SUMF1: variants seen among roughly 807,000 people sequenced by gnomAD.
The protein encoded by SUMF1 is formylglycine-generating enzyme.
A neutral mutation model predicts 47.6 loss-of-function variants in SUMF1; 48 were observed. The observed-to-expected ratio is 1.01, with a 90% CI of 0.80 to 1.28. The LOEUF (loss-of-function observed/expected upper bound fraction) is 1.28, where lower values mean the gene tolerates loss of function less well. Among genes scored for constraint, SUMF1 ranks in the 50% most tolerant of loss-of-function variants. The pLI, the probability that SUMF1 is intolerant of heterozygous loss-of-function variation, is 0.00. For missense variants in SUMF1, 571 were observed against 485.4 expected, an observed-to-expected ratio of 1.18 and a Z score of -1.66; for synonymous variants, 230 against 192.1, an observed-to-expected ratio of 1.20 and a Z score of -1.63.
In SUMF1 at chr3:4,378,352, C is replaced by A. The variant is rs550289145; in HGVS notation, c.955-1963G>T. On this transcript the variant is annotated intron_variant, in intron 7 of 8. Coordinates refer to ENST00000272902, the MANE Select transcript of SUMF1 (RefSeq NM_182760.4). ...CTTAAACCACAGTTTCTACCAAAGG[C>A]ATATCACTTTTGCACAATTGTAAAC... 8.1e-4 allele frequency among the ~76,000 whole-genome samples: 123 copies of A among 152,278 alleles called. No homozygotes were observed. In the Middle Eastern group the frequency reaches 0.014, roughly 17 times the overall value.
chr3:4,421,113 C>T (rs1371225788), intron 3 of SUMF1, among the ~76,000 whole-genome samples: 1 of 152,166 alleles, frequency 6.6e-6, no homozygotes, highest in East Asian at 1.9e-4. Context: ...AAAATAACAA[C>T]AGTCAGGAGT....
intron 9 of SUMF1, among the ~76,000 whole-genome samples, chr3:4,034,847 C>A (rs536987784): frequency 1.3e-5 from 2 of 151,936 alleles, no homozygotes. Context: ...AGCCAGGGCT[C>A]TCCCTCCAGG....
chr3:4,353,674 ATAT>A (rs1485662395), intron 8 of SUMF1, among the ~76,000 whole-genome samples: 1 of 152,126 alleles, frequency 6.6e-6, no homozygotes, highest in African/African-American at 2.4e-5. Flanking sequence ...CAACATCTTA[ATAT>A]TATTATGAAA....
chr3:4,332,735 T>TA (rs1338718596), intron 8 of SUMF1, among the ~76,000 whole-genome samples: 1 of 152,168 alleles, frequency 6.6e-6, no homozygotes, highest in Non-Finnish European at 1.5e-5. Flanking sequence ...GACAGGGAAA[T>TA]ACTGGGTAGA....
rs115289018 is a variant in SUMF1 at position 4,044,529 on chromosome 3, G to C, written c.1191+24040C>G. ...GAAATTTTATGGCATTTTGGCTACT[G>C]ATCACAGGTACAAATTATCCATGCT... On this transcript the variant is annotated intron_variant and NMD_transcript_variant, in intron 9 of 12. Transcript: ENST00000448413. 3.9e-3 allele frequency among the ~76,000 whole-genome samples: 597 copies of C among 152,312 alleles called. 6 individuals carry two copies. Among genetic ancestry groups the C allele is most frequent in the African/African-American group, 0.013 (543 of 41,568 alleles).
chr3:4,213,525 TAGC>T (rs1695846274), intron 8 of SUMF1, among the ~76,000 whole-genome samples: 1 of 152,116 alleles, frequency 6.6e-6, no homozygotes, highest in Admixed American at 6.5e-5. Context: ...AACAACCAGC[TAGC>T]ATCATAATGG....
rs574995702 is a variant in SUMF1, at chr3:4,433,012, T to C, written c.520-12866A>G. Among the ~76,000 whole-genome samples, 27 of 152,280 alleles carry C rather than the reference T, an allele frequency of 1.8e-4. 2 individuals are homozygous for C. The South Asian group carries it at 5.6e-3, about 32-fold the overall frequency. ...TCCTTTTGTGCCACTTCGTGGGCCA[T>C]TGTTGCCTCATCTATAAGATTTTTT... On this transcript the variant is annotated intron_variant, in intron 3 of 8. Coordinates refer to ENST00000272902, the MANE Select transcript of SUMF1 (RefSeq NM_182760.4).
intron 8 of SUMF1, among the ~76,000 whole-genome samples, chr3:4,101,607 A>G (rs969739475): frequency 6.6e-6 from 1 of 152,112 alleles, no homozygotes; most frequent in African/African-American, 2.4e-5. Context: ...AGTTAATAAT[A>G]ATGTATATTT....
chr3:4,283,661 G>A (rs1344249862), intron 8 of SUMF1, among the ~76,000 whole-genome samples: 1 of 152,170 alleles, frequency 6.6e-6, no homozygotes, highest in Non-Finnish European at 1.5e-5. Context: ...AGAAGTCTAA[G>A]TATTTGCCAC....
intron 8 of SUMF1, among the ~76,000 whole-genome samples, chr3:4,078,194 AG>A (rs894115312): frequency 5.9e-5 from 9 of 152,230 alleles, no homozygotes; most frequent in African/African-American, 2.2e-4. Context: ...CAATCTGAGC[AG>A]GCATACAAGC....
chr3:4,381,618 T>C (rs959490179), intron 7 of SUMF1, among the ~76,000 whole-genome samples: 4 of 152,190 alleles, frequency 2.6e-5, no homozygotes, highest in Admixed American at 2.0e-4. Context: ...ACTAAGAAAA[T>C]AACAGCATCA....
chr3:4,400,804 T>C (rs1260774523), intron 7 of SUMF1, among the ~76,000 whole-genome samples: 4 of 152,212 alleles, frequency 2.6e-5, no homozygotes, highest in Admixed American at 2.0e-4. Flanking sequence ...TGGACCTAGA[T>C]GGAAATCATT....
chr3:4,173,617 T>A (rs925391169), intron 8 of SUMF1, among the ~76,000 whole-genome samples: 1 of 152,110 alleles, frequency 6.6e-6, no homozygotes, highest in African/African-American at 2.4e-5. Flanking sequence ...TAGTAAAGAT[T>A]TGGAACCAAT....
rs546292118 is a variant in SUMF1 at position 4,166,248 on chromosome 3, G to A, written c.1015-97503C>T. ...CTGGGACCTTACCTTTCTCCTATAA[G>A]ATGATATGCCTCAAAATGGAGCAGA... On this transcript the variant is annotated intron_variant and NMD_transcript_variant, in intron 8 of 12. Transcript: ENST00000448413. Among the ~76,000 whole-genome samples, 3 of 152,218 alleles carry A rather than the reference G, an allele frequency of 2.0e-5. No individual in the cohort carries two copies. The East Asian group carries it at 5.8e-4, about 29-fold the overall frequency.
At chr3:4,462,392 A>G (rs1051622887) in intron 1 of SUMF1, among the ~76,000 whole-genome samples, 1 of 152,232 alleles carries the variant, frequency 6.6e-6, no homozygotes, top group African/African-American at 2.4e-5. Flanking sequence ...TATGCAGAAG[A>G]GCCAAGAGAT....
intron 8 of SUMF1, among the ~76,000 whole-genome samples, chr3:4,086,509 T>C (rs543806907): frequency 2.0e-5 from 3 of 152,238 alleles, no homozygotes; most frequent in Admixed American, 6.5e-5. Flanking sequence ...AGGCAAGTCA[T>C]TTAACCTTTC....
In SUMF1 at chr3:4,151,560, C is replaced by T. The variant is rs917645149; in HGVS notation, c.1015-82815G>A. 7.7e-4 allele frequency among the ~76,000 whole-genome samples: 103 copies of T among 134,604 alleles called. 2 individuals carry two copies. Among genetic ancestry groups the T allele is most frequent in the Middle Eastern group, 3.8e-3 (1 of 260 alleles). 88.3% of individuals were successfully genotyped at this position (134,604 alleles called of 152,430 possible). A position where few individuals can be genotyped will look rare whatever the true frequency, so the allele number is the denominator to read the frequency against. On this transcript the variant is annotated intron_variant and NMD_transcript_variant, in intron 8 of 12. Coordinates refer to the SUMF1 transcript ENST00000448413. ...GTATATATATGTGTGTGTATATACACACACACACACACACACACACACACA... is the reference window on the plus strand; with the variant it reads ...GTATATATATGTGTGTGTATATACATACACACACACACACACACACACACA...
intron 8 of SUMF1, among the ~76,000 whole-genome samples, chr3:4,283,818 G>A (rs1405918211): frequency 1.3e-5 from 2 of 152,112 alleles, no homozygotes; most frequent in Non-Finnish European, 2.9e-5. Context: ...CACCATCAAG[G>A]TGCCAGCATA....
chr3:4,195,697 A>G (rs191437046), intron 8 of SUMF1, among the ~76,000 whole-genome samples: 24 of 152,296 alleles, frequency 1.6e-4, no homozygotes, highest in Admixed American at 7.9e-4. Context: ...GATGAAGTTT[A>G]TCTGTTCTTT....
Sources: allele counts gnomAD v4.1 joint callset (sites outside exome capture counted in the v4.1 genomes callset), GRCh38; gene constraint gnomAD v4.1.1; transcripts MANE v1.5; gene names NCBI Gene and HGNC (gene_info 2026-07-23, HGNC 2026-07-21).